LRRC37A2: variants seen among roughly 807,000 people sequenced by gnomAD.
LRRC37A2 encodes the protein leucine rich repeat containing 37 member A2.
Under a neutral mutation model 68.8 loss-of-function variants are expected in LRRC37A2, and 9 were observed. That is an observed-to-expected ratio of 0.13 (90% CI 0.08 to 0.23). LRRC37A2 has a LOEUF of 0.23. Among genes scored for constraint, LRRC37A2 ranks in the 10% least tolerant of loss-of-function variants. The pLI, the probability that LRRC37A2 is intolerant of heterozygous loss-of-function variation, is 1.00. For missense variants in LRRC37A2, 168 were observed against 950.4 expected, an observed-to-expected ratio of 0.18 and a Z score of 10.82; for synonymous variants, 63 against 367.6, an observed-to-expected ratio of 0.17 and a Z score of 9.48.
At chr17:46,792,317 G>A in the LRRC37A2 span, among the ~76,000 whole-genome samples, 2 of 152,070 alleles carry the variant, frequency 1.3e-5, no homozygotes, top group Non-Finnish European at 1.5e-5. Context: ...AATAAAGAAC[G>A]CTTTTACAGG....
the LRRC37A2 span, among the ~76,000 whole-genome samples, chr17:46,834,961 C>T: frequency 6.6e-6 from 1 of 152,086 alleles, no homozygotes; most frequent in Non-Finnish European, 1.5e-5. Context: ...CCTAGATTGG[C>T]CCTCAGTCTC....
the LRRC37A2 span, among the ~76,000 whole-genome samples, chr17:46,965,589 G>C: frequency 6.6e-6 from 1 of 151,262 alleles, no homozygotes; most frequent in Non-Finnish European, 1.5e-5. Flanking sequence ...GCTCCACCCA[G>C]GGCACCCCTT....
chr17:46,817,283 C>T, the LRRC37A2 span, among the ~76,000 whole-genome samples: 2 of 152,188 alleles, frequency 1.3e-5, no homozygotes, highest in African/African-American at 4.8e-5. Context: ...CAGGCGGTAC[C>T]GCACCGTGGT....
the LRRC37A2 span, chr17:46,964,674 CACA>C: frequency 6.6e-6 from 1 of 152,244 alleles, no homozygotes; most frequent in Admixed American, 6.5e-5. Flanking sequence ...TCCAAGGTCA[CACA>C]ACAAGTCAGT....
the LRRC37A2 span, among the ~76,000 whole-genome samples, chr17:46,981,601 A>C: frequency 6.6e-6 from 1 of 152,248 alleles, no homozygotes; most frequent in African/African-American, 2.4e-5. Flanking sequence ...GCATCCTGTT[A>C]TAGCAGCATA....
the LRRC37A2 span, among the ~76,000 whole-genome samples, chr17:46,881,860 T>C: frequency 1.3e-5 from 2 of 152,230 alleles, no homozygotes; most frequent in African/African-American, 4.8e-5. Flanking sequence ...CTTTATCATG[T>C]ATCTCCTAAG....
At chr17:47,017,832 G>A in the LRRC37A2 span, 4 of 1,610,290 alleles carry the variant, frequency 2.5e-6, no homozygotes, top group East Asian at 4.5e-5. Flanking sequence ...TGAGCAAGTT[G>A]GACCTTCTCA....
the LRRC37A2 span, chr17:46,940,748 C>A: frequency 6.4e-7 from 1 of 1,569,168 alleles, no homozygotes; most frequent in Non-Finnish European, 8.6e-7. Flanking sequence ...CCTCATGCTG[C>A]ACCTTCAGAG....
At chr17:46,458,845 A>G in the LRRC37A2 span, among the ~76,000 whole-genome samples, 8 of 107,112 alleles carry the variant, frequency 7.5e-5, no homozygotes, top group African/African-American at 2.6e-4. Context: ...CCGGCCTCCC[A>G]TGGGAATTGT....
the LRRC37A2 span, among the ~76,000 whole-genome samples, chr17:46,688,381 T>G: frequency 2.8e-5 from 4 of 140,632 alleles, no homozygotes; most frequent in Non-Finnish European, 6.1e-5. Context: ...AAAACTTTAC[T>G]GAGAGACGTA....
chr17:46,960,658 C>T, the LRRC37A2 span, among the ~76,000 whole-genome samples: 1 of 152,200 alleles, frequency 6.6e-6, no homozygotes, highest in African/African-American at 2.4e-5. Context: ...ATACATCCAT[C>T]CAATGGAATA....
At chr17:46,962,799 A>G in the LRRC37A2 span, among the ~76,000 whole-genome samples, 1 of 152,218 alleles carries the variant, frequency 6.6e-6, no homozygotes, top group African/African-American at 2.4e-5. Flanking sequence ...AGGATCATGA[A>G]AGATAATGAA....
the LRRC37A2 span, among the ~76,000 whole-genome samples, chr17:47,008,818 T>C: frequency 1.3e-5 from 2 of 152,150 alleles, no homozygotes; most frequent in Non-Finnish European, 1.5e-5. Context: ...TTGTTTGAGA[T>C]TCTGACAAAA....
the LRRC37A2 span, among the ~76,000 whole-genome samples, chr17:47,013,484 TACA>T: frequency 9.2e-5 from 14 of 152,356 alleles, no homozygotes; most frequent in African/African-American, 3.4e-4. Context: ...AAATTTCTGG[TACA>T]ACAAGAATCC....
the LRRC37A2 span, chr17:46,876,450 G>C: frequency 6.2e-7 from 1 of 1,613,562 alleles, no homozygotes; most frequent in Non-Finnish European, 8.5e-7. Flanking sequence ...AGGCAGGGCA[G>C]CCTCACCAAA....
chr17:46,918,638 C>T, the LRRC37A2 span, among the ~76,000 whole-genome samples: 29 of 138,500 alleles, frequency 2.1e-4, no homozygotes, highest in African/African-American at 6.7e-4. Context: ...CACACACACA[C>T]ATACAATTTC....
the LRRC37A2 span, chr17:46,851,524 C>G: frequency 1.1e-4 from 51 of 480,144 alleles, 1 homozygote; most frequent in South Asian, 1.4e-3. This position sits in a 1 kb window ranked among gnomAD's most constrained non-coding sequence, Gnocchi z 4.3. Context: ...CTCCTCCTTT[C>G]CCAGCGCCGC....
the LRRC37A2 span, among the ~76,000 whole-genome samples, chr17:47,037,098 T>TGGACA: frequency 7.1e-6 from 1 of 140,572 alleles, no homozygotes; most frequent in Non-Finnish European, 1.5e-5. Context: ...GAGACCAGCC[T>TGGACA]GGACAACATG....
chr17:46,870,910 T>G, the LRRC37A2 span, among the ~76,000 whole-genome samples: 1 of 146,694 alleles, frequency 6.8e-6, no homozygotes. Flanking sequence ...TTTGCTTTTT[T>G]TTTTTTTTTT....
Sources: allele counts gnomAD v4.1 joint callset (sites outside exome capture counted in the v4.1 genomes callset), GRCh38; gene constraint gnomAD v4.1.1; non-coding constraint Gnocchi (gnomAD v3.1); transcripts MANE v1.5; gene names NCBI Gene and HGNC (gene_info 2026-07-23, HGNC 2026-07-21).